Variants in ADAM20 observed in about 807,000 individuals in gnomAD.
ADAM20 encodes the protein disintegrin and metalloproteinase domain-containing protein 20.
For missense variants in ADAM20, 871 were observed against 883.2 expected (o/e 0.99, Z 0.18); for synonymous variants, 305 against 310.2 (o/e 0.98, Z 0.18).
intron 1 of ADAM20, among the ~76,000 whole-genome samples, chr14:70,532,174 C>T (rs1883725692): frequency 6.6e-6 from 1 of 151,632 alleles, no homozygotes; most frequent in East Asian, 1.9e-4. Context: ...AGAAGTAAAC[C>T]CAGACATGTA....
At chr14:70,560,288 T>A in the ADAM20 span, among the ~76,000 whole-genome samples, 1 of 152,196 alleles carries the variant, frequency 6.6e-6, no homozygotes, top group Non-Finnish European at 1.5e-5. Context: ...AACTTTCTGA[T>A]AGTCTACCTA....
chr14:70,535,262 A>C (rs774898393), upstream of ADAM20, among the ~76,000 whole-genome samples: 85 of 152,342 alleles, frequency 5.6e-4, no homozygotes, highest in Non-Finnish European at 1.9e-4. Context: ...TCAAACAGGG[A>C]GCTTATAATG....
the ADAM20 span, among the ~76,000 whole-genome samples, chr14:70,559,038 C>G: frequency 6.6e-6 from 1 of 152,066 alleles, no homozygotes; most frequent in Middle Eastern, 3.2e-3. Flanking sequence ...TATTAAAGAC[C>G]ATATATATTC....
At chr14:70,553,417 T>C in the ADAM20 span, among the ~76,000 whole-genome samples, 1 of 135,900 alleles carries the variant, frequency 7.4e-6, no homozygotes, top group South Asian at 2.4e-4. Flanking sequence ...GGGATACTTC[T>C]AAACTCATTC....
the ADAM20 span, among the ~76,000 whole-genome samples, chr14:70,579,308 T>G: frequency 1.3e-5 from 2 of 152,158 alleles, no homozygotes; most frequent in South Asian, 4.1e-4. Context: ...CCACCAAGTG[T>G]GTAAGTGTTC....
the ADAM20 span, among the ~76,000 whole-genome samples, chr14:70,571,817 C>A: frequency 6.6e-6 from 1 of 152,090 alleles, no homozygotes; most frequent in Non-Finnish European, 1.5e-5. Flanking sequence ...GTACAAAAAT[C>A]AGTAGAATGT....
Position 70,522,521 on chromosome 14 carries a change from A to T in ADAM20, c.*56T>A. The T allele has an allele frequency of 7.0e-7, 1 of 1,430,118 alleles. No homozygotes were observed. The highest frequency in any genetic ancestry group is 2.8e-5 in the Admixed American group (1 of 35,766). 88.6% of individuals were successfully genotyped at this position (1,430,118 alleles called of 1,614,324 possible). A position where few individuals can be genotyped will look rare whatever the true frequency, so the allele number is the denominator to read the frequency against. Reference sequence around the variant, plus strand: ...ATGGCTTCATATTTTTCTATTAAAAAATTGGATATTAAAAATGAAGTATAA... The same window carrying T: ...ATGGCTTCATATTTTTCTATTAAAATATTGGATATTAAAAATGAAGTATAA... On this transcript the variant is annotated 3_prime_UTR_variant, in exon 2 of 2. Coordinates refer to ENST00000256389, the MANE Select transcript of ADAM20 (RefSeq NM_003814.5).
intron 1 of ADAM20, among the ~76,000 whole-genome samples, chr14:70,533,360 T>C (rs1392513452): frequency 6.6e-6 from 1 of 152,102 alleles, no homozygotes; most frequent in Non-Finnish European, 1.5e-5. Flanking sequence ...CAAATGCCCA[T>C]CAACGATAGA....
At chr14:70,565,024 G>A in the ADAM20 span, among the ~76,000 whole-genome samples, 6 of 150,046 alleles carry the variant, frequency 4.0e-5, no homozygotes, top group African/African-American at 1.5e-4. Context: ...CTCCAGCTCT[G>A]GGCAACAAAC....
At chr14:70,568,013 T>C in the ADAM20 span, among the ~76,000 whole-genome samples, 3 of 152,216 alleles carry the variant, frequency 2.0e-5, no homozygotes, top group South Asian at 6.2e-4. Context: ...TGCTACCACT[T>C]GACATCAGCC....
the ADAM20 span, among the ~76,000 whole-genome samples, chr14:70,572,049 A>G: frequency 1.3e-5 from 2 of 152,222 alleles, no homozygotes; most frequent in East Asian, 1.9e-4. Context: ...AAATGACCAA[A>G]CTGCCAAAAG....
upstream of ADAM20, among the ~76,000 whole-genome samples, chr14:70,536,006 TAGTA>T (rs1883823970): frequency 6.6e-6 from 1 of 152,132 alleles, no homozygotes; most frequent in South Asian, 2.1e-4. Flanking sequence ...AAAAAACAAT[TAGTA>T]AGGAAATAGA....
chr14:70,522,567 C>T lies in ADAM20; in HGVS notation c.*10G>A, dbSNP rs757171044. 6.4e-7 allele frequency: 1 copy of T among 1,554,264 alleles called. No homozygotes were observed. The highest frequency in any genetic ancestry group is 8.7e-7 in the Non-Finnish European group (1 of 1,153,248). On this transcript the variant is annotated 3_prime_UTR_variant, in exon 2 of 2. Transcript: ENST00000256389. Reference sequence around the variant, plus strand: ...TATAAAGTTTAGTCTCCTTCTTTTTCCCATTTCTCTTATCCTTCTTCATCT... The same window carrying T: ...TATAAAGTTTAGTCTCCTTCTTTTTTCCATTTCTCTTATCCTTCTTCATCT...
chr14:70,560,054 AAT>A, the ADAM20 span, among the ~76,000 whole-genome samples: 10 of 152,218 alleles, frequency 6.6e-5, no homozygotes, highest in Non-Finnish European at 1.2e-4. Flanking sequence ...GCATTCTCAA[AAT>A]ATGTTTTCAT....
chr14:70,541,835 T>C, the ADAM20 span, among the ~76,000 whole-genome samples: 1 of 152,366 alleles, frequency 6.6e-6, no homozygotes, highest in African/African-American at 2.4e-5. Context: ...CAGTAATAAT[T>C]ATAATTGTTA....
At chr14:70,563,474 G>A in the ADAM20 span, among the ~76,000 whole-genome samples, 51,645 of 152,028 alleles carry the variant, frequency 0.34, 10,988 homozygotes, top group African/African-American at 0.59. Context: ...AAACTGTGTT[G>A]TTCTACGCAA....
At chr14:70,525,736 C>T (rs1245599582) in intron 1 of ADAM20, among the ~76,000 whole-genome samples, 1 of 152,096 alleles carries the variant, frequency 6.6e-6, no homozygotes, top group Non-Finnish European at 1.5e-5. Context: ...GTCAAAAAAG[C>T]CCCACTAAAA....
the ADAM20 span, among the ~76,000 whole-genome samples, chr14:70,576,324 T>C: frequency 3.9e-5 from 6 of 152,148 alleles, no homozygotes; most frequent in Non-Finnish European, 8.8e-5. Context: ...TCACACACTA[T>C]TACAAACAAC....
chr14:70,562,818 T>C, the ADAM20 span, among the ~76,000 whole-genome samples: 1 of 152,238 alleles, frequency 6.6e-6, no homozygotes, highest in African/African-American at 2.4e-5. Context: ...TGTGAGTCAA[T>C]TAAACCTCCT....
Sources: allele counts gnomAD v4.1 joint callset (sites outside exome capture counted in the v4.1 genomes callset), GRCh38; gene constraint gnomAD v4.1.1; transcripts MANE v1.5; gene names NCBI Gene and HGNC (gene_info 2026-07-23, HGNC 2026-07-21).